The following GK variants were observed in gnomAD, a reference collection of about 807,000 sequenced individuals.
The protein encoded by GK is ATP:glycerol 3-phosphotransferase.
GK carries 9 observed loss-of-function variants against 56.4 expected under a neutral mutation model. That is an observed-to-expected ratio of 0.16 (90% CI 0.10 to 0.28). GK has a LOEUF of 0.28. GK is among the 10% of genes least tolerant of loss of function. The probability of loss-of-function intolerance (pLI) is 1.00; values close to 1 mark genes in which losing one functional copy is unlikely to be tolerated. For missense variants in GK, 161 were observed against 431.4 expected (o/e 0.37, Z 5.55); for synonymous variants, 104 against 144.1 (o/e 0.72, Z 1.99).
chrX:30,673,917 T>C (rs1933711116), intron 3 of GK, among the ~76,000 whole-genome samples: 1 of 111,424 alleles, frequency 9.0e-6, no homozygotes, highest in South Asian at 3.8e-4. Context: ...TGTTGTAAAG[T>C]TGTCACACGC....
chrX:30,678,244 T>TA, intron 4 of GK: 1 of 384,610 alleles, frequency 2.6e-6, no homozygotes, highest in African/African-American at 2.5e-5. Flanking sequence ...AGCAGGGATT[T>TA]AAAAAACCCC....
At chrX:30,677,917 C>T in intron 4 of GK, 2 of 511,238 alleles carry the variant, frequency 3.9e-6, no homozygotes, top group East Asian at 7.3e-5. Flanking sequence ...AAGAAATTAA[C>T]TGTTGTATAT....
chrX:30,716,743 G>A (rs1358144849), intron 13 of GK, among the ~76,000 whole-genome samples: 1 of 111,408 alleles, frequency 9.0e-6, no homozygotes, highest in Non-Finnish European at 1.9e-5. Context: ...ATCCCACTAA[G>A]TACCTAAATA....
intron 4 of GK, among the ~76,000 whole-genome samples, chrX:30,683,531 T>C (rs770376119): frequency 9.0e-6 from 1 of 111,689 alleles, no homozygotes; most frequent in Admixed American, 9.5e-5. Context: ...CAGGATATCA[T>C]TGGTGGCCAC....
rs1364004839 is a variant in GK at position 30,707,558 on chromosome X, A to G, written c.854A>G (p.Tyr285Cys). 1.8e-6 allele frequency: 2 copies of G among 1,101,581 alleles called. No homozygotes were observed. The highest frequency in any genetic ancestry group is 2.2e-5 in the Admixed American group (1 of 45,519). 90.8% of individuals were successfully genotyped at this position (1,101,581 alleles called of 1,213,427 possible). ...ATTCATTCTCCCTTCAACCATAGGT[A>G]TGGAACAGGATGTTTCTTACTATGT... ...CFQIGQAKNT[Y>C]GTGCFLLCNT... Residue 285 changes from tyrosine to cysteine, a missense_variant and splice_region_variant, in exon 12 of 21, where the codon TAT becomes TGT. Tyr to Cys is a radical substitution (Grantham distance 194). Transcript: ENST00000427190.
Position 30,720,666 on chromosome X carries a change from T to C in GK, c.1282T>C (p.Leu428=). 3 of 1,203,632 alleles carry C rather than the reference T, an allele frequency of 2.5e-6. No individual in the cohort carries two copies. Among genetic ancestry groups the C allele is most frequent in the Non-Finnish European group, 3.4e-6 (3 of 887,913 alleles). ...NRDCGIPLSH[L]QVDGGMTSNK... is the part of the protein sequence containing the mutation. Reference sequence around the variant, plus strand: ...AGACTGTGGAATTCCACTCAGTCATTTGCAGGTAGATGGAGGAATGACCAG... The same window carrying C: ...AGACTGTGGAATTCCACTCAGTCATCTGCAGGTAGATGGAGGAATGACCAG... The change falls in exon 17 of 21, where the codon TTG becomes CTG. Residue 428 remains leucine, a synonymous_variant. Transcript: ENST00000427190.
intron 13 of GK, among the ~76,000 whole-genome samples, chrX:30,710,730 T>A (rs1196556319): frequency 8.9e-6 from 1 of 112,042 alleles, no homozygotes; most frequent in Non-Finnish European, 1.9e-5. Context: ...TTTAGTCTTT[T>A]TCCATTCTTC....
chrX:30,663,819 G>C (rs978331737), intron 1 of GK, among the ~76,000 whole-genome samples: 2 of 105,647 alleles, frequency 1.9e-5, no homozygotes, highest in Admixed American at 1.1e-4. Flanking sequence ...GAGTAATTTT[G>C]GAAGTTAATT....
At chrX:30,658,436 C>T (rs1932467105) in intron 1 of GK, among the ~76,000 whole-genome samples, 1 of 111,506 alleles carries the variant, frequency 9.0e-6, no homozygotes, top group South Asian at 3.7e-4. Context: ...CTGCCTCAGC[C>T]TACTGAGTAG....
At chrX:30,683,405 T>C (rs893549435) in intron 4 of GK, among the ~76,000 whole-genome samples, 1 of 110,678 alleles carries the variant, frequency 9.0e-6, no homozygotes, top group African/African-American at 3.3e-5. Context: ...GCACATTATG[T>C]TTCCCTTTTT....
rs190845542 is a variant in GK, at chrX:30,707,936, A to T, written c.895-118A>T. 7.8e-4 allele frequency: 383 copies of T among 491,162 alleles called. 1 individual carries two copies. The highest frequency in any genetic ancestry group is 7.8e-3 in the African/African-American group (321 of 41,337). 40.5% of individuals were successfully genotyped at this position (491,162 alleles called of 1,213,427 possible). A position where few individuals can be genotyped will look rare whatever the true frequency, so the allele number is the denominator to read the frequency against. ...CGTTTTGACTGTAAGGATTTATTTT[A>T]AAAATTGGTTTATTGATTGCATTAT... On this transcript the variant is annotated intron_variant, in intron 12 of 20. Coordinates refer to ENST00000427190, the MANE Select transcript of GK (RefSeq NM_001205019.2).
At chrX:30,669,829 A>G (rs1220702214) in intron 3 of GK, among the ~76,000 whole-genome samples, 1 of 112,006 alleles carries the variant, frequency 8.9e-6, no homozygotes, top group Non-Finnish European at 1.9e-5. Flanking sequence ...AGTGCCTACT[A>G]TGTGCCAGAT....
chrX:30,680,382 A>G (rs1259435327), intron 4 of GK, among the ~76,000 whole-genome samples: 1 of 112,317 alleles, frequency 8.9e-6, no homozygotes, highest in Admixed American at 9.5e-5. Context: ...CACAGTTTAA[A>G]CATGAACACT....
At chrX:30,671,330 A>T (rs1427589535) in intron 3 of GK, among the ~76,000 whole-genome samples, 1 of 106,861 alleles carries the variant, frequency 9.4e-6, no homozygotes, top group East Asian at 2.9e-4. Context: ...ACTGTAAAGG[A>T]TCTTCAGTCA....
intron 18 of GK, chrX:30,723,699 T>G (rs1937013019): frequency 4.7e-6 from 1 of 212,932 alleles, no homozygotes; most frequent in South Asian, 6.7e-5. Flanking sequence ...CTTGGCTCAC[T>G]GCAACCTCCA....
At chrX:30,699,294 C>CTAGGG in intron 9 of GK, among the ~76,000 whole-genome samples, 2 of 87,086 alleles carry the variant, frequency 2.3e-5, no homozygotes, top group Non-Finnish European at 4.4e-5. Context: ...ACATGTTATA[C>CTAGGG]ATAACATGTA....
chrX:30,661,644 C>T (rs1482204039), intron 1 of GK, among the ~76,000 whole-genome samples: 1 of 111,133 alleles, frequency 9.0e-6, no homozygotes, highest in East Asian at 2.8e-4. Context: ...TTCTCAGACC[C>T]TCATAATTCT....
intron 9 of GK, among the ~76,000 whole-genome samples, chrX:30,699,333 C>T (rs866115522): frequency 1.2e-4 from 10 of 82,993 alleles, no homozygotes; most frequent in South Asian, 6.2e-4. Context: ...TATATATATA[C>T]ACACATACGT....
At position 30,728,946 on chromosome X, in the gene GK, T is replaced by A. The variant is rs1462481649; in HGVS notation, c.*204T>A. The stretch of plus-strand genomic sequence containing the variant: ...ATGCTATAGAAATATTTGGTGGTTT[T>A]TTTTTTTTTTAAACATCCACAGTTA... On this transcript the variant is annotated 3_prime_UTR_variant, in exon 21 of 21. Coordinates refer to ENST00000427190, the MANE Select transcript of GK (RefSeq NM_001205019.2). 1 of 416,431 alleles carries A rather than the reference T, an allele frequency of 2.4e-6. No individual in the cohort carries two copies. The highest frequency in any genetic ancestry group is 4.1e-5 in the Admixed American group (1 of 24,446). 34.3% of individuals were successfully genotyped at this position (416,431 alleles called of 1,213,427 possible). A position where few individuals can be genotyped will look rare whatever the true frequency, so the allele number is the denominator to read the frequency against.
Sources: allele counts gnomAD v4.1 joint callset (sites outside exome capture counted in the v4.1 genomes callset), GRCh38; gene constraint gnomAD v4.1.1; transcripts MANE v1.5; gene names NCBI Gene and HGNC (gene_info 2026-07-23, HGNC 2026-07-21).